Variants in RAPGEF6 observed in about 807,000 individuals in gnomAD.
RAPGEF6 encodes PDZ domain containing guanine nucleotide exchange factor (GEF) 2.
A neutral mutation model predicts 171.4 loss-of-function variants in RAPGEF6; 56 were observed. The observed-to-expected ratio is 0.33, with a 90% CI of 0.26 to 0.41. The LOEUF is 0.41. Ranked by LOEUF, RAPGEF6 falls within the 10% of genes least tolerant of loss-of-function variation. The probability of loss-of-function intolerance (pLI) is 1.00; values close to 1 mark genes in which losing one functional copy is unlikely to be tolerated. For synonymous variants in RAPGEF6, 692 were observed against 650.1 expected (o/e 1.06, Z -0.98); for missense variants, 1,674 against 1,921.4 (o/e 0.87, Z 2.41).
At chr5:131,479,483 T>C in intron 16 of RAPGEF6, 30 bp downstream of exon 16, 1 of 1,606,524 alleles carries the variant, frequency 6.2e-7, no homozygotes, top group Non-Finnish European at 8.5e-7. Context: ...AGATGAAAAT[T>C]CCTGCATAGC....
At chr5:131,529,430 T>G (rs1232794335) in intron 6 of RAPGEF6, among the ~76,000 whole-genome samples, 2 of 150,224 alleles carry the variant, frequency 1.3e-5, no homozygotes, top group African/African-American at 2.5e-5. Flanking sequence ...GAGCGGAGAT[T>G]GCACCACTGC....
intron 1 of RAPGEF6, among the ~76,000 whole-genome samples, chr5:131,621,235 T>C (rs10478986): frequency 0.017 from 2,580 of 152,324 alleles, 54 homozygotes; most frequent in African/African-American, 0.047. Context: ...GTCCCTTATA[T>C]AAAATGGTGT....
intron 6 of RAPGEF6, among the ~76,000 whole-genome samples, chr5:131,522,962 G>A (rs1218527871): frequency 6.6e-6 from 1 of 152,122 alleles, no homozygotes; most frequent in Non-Finnish European, 1.5e-5. Flanking sequence ...CCAATCAACT[G>A]TTGGAAGCAA....
intron 13 of RAPGEF6, among the ~76,000 whole-genome samples, chr5:131,493,052 T>C (rs142944692): frequency 0.044 from 897 of 20,248 alleles, 4 homozygotes; most frequent in Middle Eastern, 0.11. Context: ...CATTTATTTA[T>C]TTATTTATTT....
At chr5:131,445,675 T>C (rs2149816155) in intron 22 of RAPGEF6, among the ~76,000 whole-genome samples, 1 of 152,192 alleles carries the variant, frequency 6.6e-6, no homozygotes, top group African/African-American at 2.4e-5. Context: ...TTCAAACTCT[T>C]GGGCTCAAGT....
In RAPGEF6 at chr5:131,498,302, T is replaced by A; in HGVS notation, c.1419+141A>T. 4 of 781,900 alleles carry A rather than the reference T, an allele frequency of 5.1e-6. No individual in the cohort carries two copies. In the South Asian group the frequency reaches 8.5e-5, roughly 17 times the overall value. 48.4% of individuals were successfully genotyped at this position (781,900 alleles called of 1,614,324 possible). On this transcript the variant is annotated intron_variant, in intron 12 of 27. Transcript: ENST00000509018. ...GTCATAAAAGTAAGCAGAGAATGTT[T>A]ATACTGATGGTTCAGGTTCATTAAT...
chr5:131,561,074 A>T (rs1761568843), intron 5 of RAPGEF6, among the ~76,000 whole-genome samples: 1 of 152,174 alleles, frequency 6.6e-6, no homozygotes, highest in Admixed American at 6.5e-5. Flanking sequence ...TCATCTTAGA[A>T]CAACGTAAAA....
Position 131,458,394 on chromosome 5 carries a change from A to G in RAPGEF6, c.2865-2382T>C, listed in dbSNP as rs115667714. On this transcript the variant is annotated intron_variant, in intron 19 of 27. Transcript: ENST00000509018. ...GCCCTTCGCCTTCCACTATGATAGT[A>G]AGTTTCCTAAGGCCTCCCCAGACAT... Among the ~76,000 whole-genome samples the G allele has an allele frequency of 3.2e-3, 486 of 152,296 alleles. 6 individuals carry two copies. The highest frequency in any genetic ancestry group is 0.011 in the African/African-American group (477 of 41,556).
intron 6 of RAPGEF6, among the ~76,000 whole-genome samples, chr5:131,534,606 G>T (rs377586961): frequency 1.4e-5 from 2 of 144,878 alleles, no homozygotes; most frequent in South Asian, 2.2e-4. Context: ...GCACCAATGT[G>T]TTTTTTTTTT....
At chr5:131,554,070 G>A (rs1447655636) in intron 5 of RAPGEF6, among the ~76,000 whole-genome samples, 1 of 151,900 alleles carries the variant, frequency 6.6e-6, no homozygotes, top group Non-Finnish European at 1.5e-5. Context: ...GACTTTTAAT[G>A]CAGCCAGAAA....
intron 23 of RAPGEF6, chr5:131,440,101 A>G (rs1752280963): frequency 2.5e-6 from 1 of 401,456 alleles, no homozygotes; most frequent in Admixed American, 3.1e-5. Context: ...AGTCGGGGCG[A>G]CGCATGTGGC....
chr5:131,528,526 G>C (rs1004040242), intron 6 of RAPGEF6, among the ~76,000 whole-genome samples: 1 of 151,258 alleles, frequency 6.6e-6, no homozygotes, highest in Admixed American at 6.6e-5. Context: ...CAAAAGTTGA[G>C]AGTTGGAAGG....
At chr5:131,528,335 A>T (rs1370678596) in intron 6 of RAPGEF6, among the ~76,000 whole-genome samples, 1 of 37,984 alleles carries the variant, frequency 2.6e-5, no homozygotes, top group African/African-American at 7.1e-5. Flanking sequence ...ATATATATAT[A>T]TATACACACA....
At chr5:131,559,399 T>C (rs1451531806) in intron 5 of RAPGEF6, among the ~76,000 whole-genome samples, 2 of 152,164 alleles carry the variant, frequency 1.3e-5, no homozygotes, top group African/African-American at 4.8e-5. Flanking sequence ...TAGTTCTGAT[T>C]TTACTAAGGA....
chr5:131,431,749 C>T (rs1328023226), intron 25 of RAPGEF6, among the ~76,000 whole-genome samples: 1 of 152,006 alleles, frequency 6.6e-6, no homozygotes, highest in Non-Finnish European at 1.5e-5. Context: ...CTCAGCCTCC[C>T]CAGCAGCTGG....
chr5:131,623,753 G>A (rs1309233728), intron 1 of RAPGEF6, among the ~76,000 whole-genome samples: 1 of 152,126 alleles, frequency 6.6e-6, no homozygotes, highest in Admixed American at 6.5e-5. Flanking sequence ...CCAAAGTGCT[G>A]GGATTACAGG....
At chr5:131,590,628 A>C (rs529252459) in intron 4 of RAPGEF6, among the ~76,000 whole-genome samples, 1 of 152,214 alleles carries the variant, frequency 6.6e-6, no homozygotes, top group Non-Finnish European at 1.5e-5. Context: ...TATTCTTTAG[A>C]ATAAAGATTA....
intron 22 of RAPGEF6, 54 bp from the exon 23 acceptor site, chr5:131,442,591 A>C: frequency 6.3e-7 from 1 of 1,582,666 alleles, no homozygotes; most frequent in South Asian, 1.2e-5. Flanking sequence ...CAAGGTTATC[A>C]CCACTGGCAA....
At position 131,510,495 on chromosome 5, in the gene RAPGEF6, T is replaced by C. The variant is rs1375983340; in HGVS notation, c.628-4A>G. Reference sequence around the variant, plus strand: ...CTCCTACCTCACTCTCCGTAGCCTATGAAAAGAAATCTTGATCACTTACCA... The same window carrying C: ...CTCCTACCTCACTCTCCGTAGCCTACGAAAAGAAATCTTGATCACTTACCA... On this transcript the variant is annotated splice_region_variant and splice_polypyrimidine_tract_variant and intron_variant, in intron 7 of 27. Transcript: ENST00000509018. The C allele has an allele frequency of 5.2e-5, 83 of 1,607,846 alleles. No homozygotes were observed. The highest frequency in any genetic ancestry group is 6.7e-5 in the Non-Finnish European group (79 of 1,178,036).
Sources: gnomAD v4.1 joint callset for allele counts (sites outside exome capture counted in the v4.1 genomes callset) on GRCh38, gnomAD v4.1.1 for gene constraint, MANE v1.5 for transcripts, NCBI Gene and HGNC (gene_info 2026-07-23, HGNC 2026-07-21) for gene names.